ELMO1: variants seen among roughly 807,000 people sequenced by gnomAD.
ELMO1 encodes engulfment and cell motility protein 1.
In ELMO1, 26 loss-of-function variants were observed where a neutral mutation model predicts 98.9. That is an observed-to-expected ratio of 0.26 (90% CI 0.19 to 0.36). The LOEUF (loss-of-function observed/expected upper bound fraction) is 0.36, where lower values mean the gene tolerates loss of function less well. ELMO1 is among the 10% of genes least tolerant of loss of function. The pLI, the probability that ELMO1 is intolerant of heterozygous loss-of-function variation, is 1.00. For synonymous variants in ELMO1, 346 were observed against 346.0 expected (o/e 1.00, Z 0.00); for missense variants, 627 against 935.2 (o/e 0.67, Z 4.30).
intron 15 of ELMO1, among the ~76,000 whole-genome samples, chr7:37,065,097 C>G (rs1796882848): frequency 1.3e-5 from 2 of 152,036 alleles, no homozygotes; most frequent in African/African-American, 4.8e-5. Context: ...AAAATGAAAA[C>G]CCAGCCAGGG....
chr7:37,016,167 T>C (rs1793917334), intron 15 of ELMO1, among the ~76,000 whole-genome samples: 1 of 152,160 alleles, frequency 6.6e-6, no homozygotes, highest in Non-Finnish European at 1.5e-5. Flanking sequence ...CTAAAGTTTT[T>C]ATGTGATGAG....
intron 13 of ELMO1, among the ~76,000 whole-genome samples, chr7:37,164,305 G>A (rs1185434521): frequency 3.9e-4 from 59 of 152,234 alleles, no homozygotes; most frequent in Admixed American, 1.8e-3. Context: ...CACTCTGATG[G>A]TAGTTTCTTT....
At chr7:37,151,027 T>G (rs988426453) in intron 13 of ELMO1, among the ~76,000 whole-genome samples, 1 of 152,242 alleles carries the variant, frequency 6.6e-6, no homozygotes, top group Non-Finnish European at 1.5e-5. Flanking sequence ...GAAAGGCTCA[T>G]GCCCACCTGC....
chr7:37,274,757 T>C (rs1796736381), intron 4 of ELMO1, among the ~76,000 whole-genome samples: 1 of 152,186 alleles, frequency 6.6e-6, no homozygotes, highest in Admixed American at 6.5e-5. Context: ...TTCACCATAT[T>C]GGCCAGGCTG....
chr7:36,856,545 T>C (rs1798178404), intron 21 of ELMO1, among the ~76,000 whole-genome samples: 1 of 152,212 alleles, frequency 6.6e-6, no homozygotes, highest in Non-Finnish European at 1.5e-5. Context: ...CTGATTCTTC[T>C]CCTTTCATAG....
chr7:37,239,206 C>T lies in ELMO1; in HGVS notation c.449+5150G>A, dbSNP rs201099362. On this transcript the variant is annotated intron_variant, in intron 7 of 21. Coordinates refer to ENST00000310758, the MANE Select transcript of ELMO1 (RefSeq NM_014800.11). ...TCTGAGATGGAGTCTCGCTCTGTCG[C>T]CCAGGCTGGAATGCAGTGGCACGAC... Among the ~76,000 whole-genome samples, 5 of 152,174 alleles carry T rather than the reference C, an allele frequency of 3.3e-5. 1 individual carries two copies. In the South Asian group the frequency reaches 8.3e-4, roughly 25 times the overall value.
intron 15 of ELMO1, among the ~76,000 whole-genome samples, chr7:37,056,437 T>A (rs569932452): frequency 6.6e-6 from 1 of 152,326 alleles, no homozygotes; most frequent in East Asian, 1.9e-4. Context: ...TTAAACCAGA[T>A]CATGCTCCAT....
rs146367742 is a variant in ELMO1 at position 36,863,986 on chromosome 7, G to A, written c.1906-2250C>T. Among the ~76,000 whole-genome samples, 337 of 152,326 alleles carry A rather than the reference G, an allele frequency of 2.2e-3. 3 individuals are homozygous for A. Among genetic ancestry groups the A allele is most frequent in the Admixed American group, 0.019 (292 of 15,300 alleles). ...AGATTGAAGAAAGAAAAAGGAGGGA[G>A]TGAGCTTTGCTTCTGAACAACCAGT... On this transcript the variant is annotated intron_variant, in intron 20 of 21. Coordinates refer to ENST00000310758, the MANE Select transcript of ELMO1 (RefSeq NM_014800.11).
chr7:37,067,432 G>A (rs1463201780), intron 15 of ELMO1, among the ~76,000 whole-genome samples: 2 of 152,148 alleles, frequency 1.3e-5, no homozygotes, highest in African/African-American at 4.8e-5. Context: ...GAAATGCAAA[G>A]TATTTTCTTC....
intron 13 of ELMO1, among the ~76,000 whole-genome samples, chr7:37,185,961 A>T (rs1791177895): frequency 6.6e-6 from 1 of 152,236 alleles, no homozygotes; most frequent in African/African-American, 2.4e-5. Flanking sequence ...GAAATCAACA[A>T]GACAATCCTG....
intron 16 of ELMO1, among the ~76,000 whole-genome samples, chr7:36,918,659 C>A (rs1323696897): frequency 6.6e-6 from 1 of 152,202 alleles, no homozygotes; most frequent in African/African-American, 2.4e-5. Flanking sequence ...GTCTGTCTGT[C>A]CGCTGTGCTC....
At chr7:37,344,892 A>T (rs1292874611) in intron 1 of ELMO1, among the ~76,000 whole-genome samples, 1 of 152,212 alleles carries the variant, frequency 6.6e-6, no homozygotes, top group Non-Finnish European at 1.5e-5. Flanking sequence ...TGATATCTGT[A>T]ACGAAGATCT....
At chr7:36,877,761 T>G (rs1584292136) in intron 19 of ELMO1, among the ~76,000 whole-genome samples, 1 of 152,206 alleles carries the variant, frequency 6.6e-6, no homozygotes, top group Non-Finnish European at 1.5e-5. Flanking sequence ...AAGTGGACAT[T>G]TGAACCCCCA....
At chr7:37,041,822 C>T (rs1431672215) in intron 15 of ELMO1, among the ~76,000 whole-genome samples, 2 of 152,146 alleles carry the variant, frequency 1.3e-5, no homozygotes, top group African/African-American at 4.8e-5. Flanking sequence ...GGCACCCTTT[C>T]TCATTCACTG....
intron 16 of ELMO1, among the ~76,000 whole-genome samples, chr7:36,913,253 A>G (rs1392811743): frequency 6.6e-6 from 1 of 152,154 alleles, no homozygotes; most frequent in Non-Finnish European, 1.5e-5. Flanking sequence ...ATAACAGAAA[A>G]CTTTAATACA....
rs140242687 is a variant in ELMO1, at chr7:37,106,122, G to A, written c.1192-9395C>T. On this transcript the variant is annotated intron_variant, in intron 14 of 21. Coordinates refer to ENST00000310758, the MANE Select transcript of ELMO1 (RefSeq NM_014800.11). ...CGTTTAGCTCATTTGGTCCTCACAA[G>A]CCATTGAAGCAGGACTGCATTTTAC... Among the ~76,000 whole-genome samples the A allele has an allele frequency of 1.2e-4, 18 of 152,172 alleles. 1 individual carries two copies. In the East Asian group the frequency reaches 3.5e-3, roughly 29 times the overall value.
intron 9 of ELMO1, among the ~76,000 whole-genome samples, chr7:37,223,208 T>C (rs1584832619): frequency 6.6e-6 from 1 of 152,344 alleles, no homozygotes; most frequent in East Asian, 1.9e-4. Context: ...TGTTTATAAA[T>C]CTGATTTTCA....
Position 36,868,899 on chromosome 7 carries a change from T to C in ELMO1, c.1905+1494A>G, listed in dbSNP as rs10256810. 8.5e-3 allele frequency among the ~76,000 whole-genome samples: 1,292 copies of C among 152,236 alleles called. 17 individuals are homozygous for C. Among genetic ancestry groups the C allele is most frequent in the African/African-American group, 0.029 (1,215 of 41,534 alleles). Reference sequence around the variant, plus strand: ...CTCAGCCCCAAGTGTTACGTAACTGTGGGGACCTCCTCGGCTGAAGCTGAG... The same window carrying C: ...CTCAGCCCCAAGTGTTACGTAACTGCGGGGACCTCCTCGGCTGAAGCTGAG... On this transcript the variant is annotated intron_variant, in intron 20 of 21. Coordinates refer to ENST00000310758, the MANE Select transcript of ELMO1 (RefSeq NM_014800.11).
chr7:37,045,543 C>A (rs569222449), intron 15 of ELMO1, among the ~76,000 whole-genome samples: 2 of 152,266 alleles, frequency 1.3e-5, no homozygotes, highest in Admixed American at 1.3e-4. Flanking sequence ...TTGCTCACTT[C>A]TTTTGCTCAG....
Sources: allele counts gnomAD v4.1 joint callset (sites outside exome capture counted in the v4.1 genomes callset), GRCh38; gene constraint gnomAD v4.1.1; transcripts MANE v1.5; gene names NCBI Gene and HGNC (gene_info 2026-07-23, HGNC 2026-07-21).